Variants in ST6GALNAC3 observed in about 807,000 individuals in gnomAD.
ST6GALNAC3 encodes ST6 N-acetylgalactosaminide alpha-2,6-sialyltransferase 3, also known as alpha-N-acetylgalactosaminide alpha-2,6-sialyltransferase 3.
A neutral mutation model predicts 32.7 loss-of-function variants in ST6GALNAC3; 25 were observed. That is an observed-to-expected ratio of 0.76 (90% CI 0.56 to 1.07). The LOEUF (loss-of-function observed/expected upper bound fraction) is 1.07, where lower values mean the gene tolerates loss of function less well. ST6GALNAC3 is among the 50% of genes least tolerant of loss of function. ST6GALNAC3 has a pLI of 0.00. For missense variants in ST6GALNAC3, 355 were observed against 382.4 expected, an observed-to-expected ratio of 0.93 and a Z score of 0.60; for synonymous variants, 129 against 133.1, an observed-to-expected ratio of 0.97 and a Z score of 0.21.
chr1:76,290,978 T>C (rs1660049665), intron 1 of ST6GALNAC3, among the ~76,000 whole-genome samples: 1 of 152,128 alleles, frequency 6.6e-6, no homozygotes, highest in Non-Finnish European at 1.5e-5. Context: ...CAGCTAAAAT[T>C]TGAAAGGTCC....
Position 76,183,893 on chromosome 1 carries a change from A to G in ST6GALNAC3, c.18+109009A>G, listed in dbSNP as rs563064950. Among the ~76,000 whole-genome samples, 6 of 115,098 alleles carry G rather than the reference A, an allele frequency of 5.2e-5. No individual in the cohort carries two copies. In the East Asian group the frequency reaches 1.3e-3, roughly 25 times the overall value. The allele number at this position is 115,098 out of a possible 152,430, so 75.5% of individuals were successfully genotyped here. On this transcript the variant is annotated intron_variant, in intron 1 of 4. Coordinates refer to ENST00000328299, the MANE Select transcript of ST6GALNAC3 (RefSeq NM_152996.4). ...ATATATGTATGTTACTGAATATGTT[A>G]TATATTTGTTATTGAAACCTACTTT...
intron 2 of ST6GALNAC3, among the ~76,000 whole-genome samples, chr1:76,384,263 G>A (rs116652498): frequency 1.9e-3 from 292 of 152,216 alleles, no homozygotes; most frequent in African/African-American, 6.4e-3. Flanking sequence ...AGGCATTATA[G>A]ATTTTAAGGA....
chr1:76,573,308 C>G (rs77332746), intron 3 of ST6GALNAC3, among the ~76,000 whole-genome samples: 3,212 of 152,234 alleles, frequency 0.021, 45 homozygotes, highest in Non-Finnish European at 0.03. Context: ...AACCTGCTGA[C>G]AGGCCAGGAT....
intron 3 of ST6GALNAC3, among the ~76,000 whole-genome samples, chr1:76,606,035 A>C (rs1393194751): frequency 6.6e-6 from 1 of 152,160 alleles, no homozygotes; most frequent in Non-Finnish European, 1.5e-5. Context: ...CATGCCAGTC[A>C]GAGTGGCAAT....
chr1:76,171,461 C>T lies in ST6GALNAC3; in HGVS notation c.18+96577C>T, dbSNP rs149914648. Among the ~76,000 whole-genome samples, 839 of 149,294 alleles carry T rather than the reference C, an allele frequency of 5.6e-3. 8 individuals carry two copies. Among genetic ancestry groups the T allele is most frequent in the African/African-American group, 0.018 (752 of 40,772 alleles). On this transcript the variant is annotated intron_variant, in intron 1 of 4. Transcript: ENST00000328299. The stretch of plus-strand genomic sequence containing the variant: ...AGGGAAGAATTGATGGTGATAGAGA[C>T]GTGAAAAATCCTCCAAAAAAATCAA...
intron 1 of ST6GALNAC3, among the ~76,000 whole-genome samples, chr1:76,215,050 A>G (rs1011495241): frequency 6.6e-6 from 1 of 152,198 alleles, no homozygotes; most frequent in African/African-American, 2.4e-5. Context: ...GAAGGTTTCT[A>G]GTAGAATGTT....
chr1:76,248,552 A>G (rs1350541351), intron 1 of ST6GALNAC3, among the ~76,000 whole-genome samples: 1 of 152,170 alleles, frequency 6.6e-6, no homozygotes, highest in Non-Finnish European at 1.5e-5. Flanking sequence ...TCTAAAGGAA[A>G]CAACCATTAT....
At chr1:76,174,089 A>G (rs1652695727) in intron 1 of ST6GALNAC3, among the ~76,000 whole-genome samples, 1 of 152,212 alleles carries the variant, frequency 6.6e-6, no homozygotes, top group Non-Finnish European at 1.5e-5. Context: ...ACCAACCCAA[A>G]TGCCCGTCAA....
intron 2 of ST6GALNAC3, among the ~76,000 whole-genome samples, chr1:76,378,974 G>A (rs545560465): frequency 2.6e-5 from 4 of 152,036 alleles, no homozygotes; most frequent in Non-Finnish European, 5.9e-5. Flanking sequence ...TTGGCTCACT[G>A]CAACCTCTGC....
intron 3 of ST6GALNAC3, among the ~76,000 whole-genome samples, chr1:76,583,579 G>A (rs1646920909): frequency 6.6e-6 from 1 of 152,090 alleles, no homozygotes; most frequent in Non-Finnish European, 1.5e-5. Flanking sequence ...GACTTCTAGT[G>A]ATTTAACAAA....
At chr1:76,609,768 A>C (rs1262421717) in intron 3 of ST6GALNAC3, among the ~76,000 whole-genome samples, 1 of 152,200 alleles carries the variant, frequency 6.6e-6, no homozygotes, top group African/African-American at 2.4e-5. Context: ...CTTCATTTCC[A>C]AATATTACCT....
chr1:76,193,180 T>C (rs1557686231), intron 1 of ST6GALNAC3, among the ~76,000 whole-genome samples: 1 of 152,178 alleles, frequency 6.6e-6, no homozygotes, highest in African/African-American at 2.4e-5. Context: ...GGAAAAAATA[T>C]GGCCTCTTCT....
chr1:76,452,271 G>A (rs1307117181), intron 3 of ST6GALNAC3, among the ~76,000 whole-genome samples: 1 of 151,998 alleles, frequency 6.6e-6, no homozygotes, highest in Non-Finnish European at 1.5e-5. Context: ...TGCCATCCAC[G>A]TAAGATGTGA....
chr1:76,076,369 C>T (rs1349721724), intron 1 of ST6GALNAC3, among the ~76,000 whole-genome samples: 1 of 152,218 alleles, frequency 6.6e-6, no homozygotes, highest in African/African-American at 2.4e-5. Flanking sequence ...TAGCACTTCA[C>T]ACTGCTTTCA....
chr1:76,085,320 C>G (rs116676622), intron 1 of ST6GALNAC3, among the ~76,000 whole-genome samples: 1 of 152,144 alleles, frequency 6.6e-6, no homozygotes, highest in Admixed American at 6.5e-5. Flanking sequence ...GTTTGCCAAC[C>G]CTTGTGCTAG....
intron 2 of ST6GALNAC3, among the ~76,000 whole-genome samples, chr1:76,359,046 A>G (rs978119202): frequency 6.6e-6 from 1 of 152,174 alleles, no homozygotes; most frequent in Non-Finnish European, 1.5e-5. Flanking sequence ...ATTGCTGAGT[A>G]TTTCTGAGAG....
intron 1 of ST6GALNAC3, among the ~76,000 whole-genome samples, chr1:76,144,754 A>G (rs1295881316): frequency 6.6e-6 from 1 of 152,204 alleles, no homozygotes; most frequent in African/African-American, 2.4e-5. Flanking sequence ...AAAAGTTGAC[A>G]TAGATGACAG....
rs986615696 is a variant in ST6GALNAC3, at chr1:76,381,213, A to T, written c.214-30795A>T. On this transcript the variant is annotated intron_variant, in intron 2 of 4. Transcript: ENST00000328299. ...AAAAAAAAAAAGACCACTTCTTTAG[A>T]GAACTGTTAGTGTGATGATAAGAGA... 1.1e-4 allele frequency among the ~76,000 whole-genome samples: 16 copies of T among 151,122 alleles called. No homozygotes were observed. In the East Asian group the frequency reaches 2.9e-3, roughly 28 times the overall value.
chr1:76,457,340 C>T (rs1364157642), intron 3 of ST6GALNAC3, among the ~76,000 whole-genome samples: 3 of 152,072 alleles, frequency 2.0e-5, no homozygotes, highest in African/African-American at 7.2e-5. Context: ...CTTCACGGAA[C>T]TGGAAAAAAC....
Sources: allele counts gnomAD v4.1 joint callset (sites outside exome capture counted in the v4.1 genomes callset), GRCh38; gene constraint gnomAD v4.1.1; transcripts MANE v1.5; gene names NCBI Gene and HGNC (gene_info 2026-07-23, HGNC 2026-07-21).